PCDHGA1: variants seen among roughly 807,000 people sequenced by gnomAD.
The protein encoded by PCDHGA1 is protocadherin gamma subfamily A, 1.
Under a neutral mutation model 58.0 loss-of-function variants are expected in PCDHGA1, and 32 were observed. That is an observed-to-expected ratio of 0.55 (90% CI 0.42 to 0.74). The LOEUF is 0.74. PCDHGA1 is among the 30% of genes least tolerant of loss of function. The pLI, the probability that PCDHGA1 is intolerant of heterozygous loss-of-function variation, is 0.00. For missense variants in PCDHGA1, 1,205 were observed against 1,182.3 expected (o/e 1.02, Z -0.28); for synonymous variants, 498 against 501.1 (o/e 0.99, Z 0.08).
intron 1 of PCDHGA1, among the ~76,000 whole-genome samples, chr5:141,475,299 T>C (rs1227132122): frequency 6.6e-6 from 1 of 152,204 alleles, no homozygotes; most frequent in Non-Finnish European, 1.5e-5. Context: ...AAATTTCTTA[T>C]TGCTCCCTGG....
chr5:141,392,096 A>G (rs2092464422), intron 1 of PCDHGA1: 1 of 152,256 alleles, frequency 6.6e-6, no homozygotes, highest in Non-Finnish European at 1.5e-5. Context: ...AGAATAATTT[A>G]AAAGCAACAA....
chr5:141,454,908 C>T (rs1370482009), intron 1 of PCDHGA1, among the ~76,000 whole-genome samples: 3 of 145,392 alleles, frequency 2.1e-5, no homozygotes, highest in Non-Finnish European at 4.5e-5. Context: ...CCCGGGTTCA[C>T]GCCATTCTCC....
intron 1 of PCDHGA1, chr5:141,392,883 TGGGAAATC>T (rs1224904365): frequency 3.1e-6 from 5 of 1,613,518 alleles, no homozygotes; most frequent in Non-Finnish European, 4.2e-6. Flanking sequence ...GGGAACGCTG[TGGGAAATC>T]GGGAGGGGAC....
chr5:141,375,152 G>T, intron 1 of PCDHGA1: 2 of 1,613,930 alleles, frequency 1.2e-6, no homozygotes, highest in Non-Finnish European at 1.7e-6. Context: ...CAGAACAATT[G>T]CTGAAAGTGC....
chr5:141,403,370 G>T (rs752870915), intron 1 of PCDHGA1: 25 of 1,614,064 alleles, frequency 1.5e-5, no homozygotes, highest in Non-Finnish European at 1.9e-5. Flanking sequence ...AAGTCTGGAA[G>T]TAAAAATTAA....
intron 1 of PCDHGA1, among the ~76,000 whole-genome samples, chr5:141,401,328 G>A (rs919361243): frequency 3.3e-5 from 5 of 151,962 alleles, no homozygotes; most frequent in Non-Finnish European, 7.4e-5. Context: ...GGCAACAAGA[G>A]CAAAACTCCA....
chr5:141,479,000 T>C (rs2099485433), intron 1 of PCDHGA1, among the ~76,000 whole-genome samples: 1 of 152,244 alleles, frequency 6.6e-6, no homozygotes, highest in Non-Finnish European at 1.5e-5. Flanking sequence ...TTAAAACTAA[T>C]AGCTTTTTGA....
intron 1 of PCDHGA1, chr5:141,344,926 G>A (rs756871920): frequency 6.2e-7 from 1 of 1,613,900 alleles, no homozygotes; most frequent in South Asian, 1.1e-5. Context: ...AACTCAGTGA[G>A]TGGAGAAGTA....
At chr5:141,355,219 C>G (rs768131751) in intron 1 of PCDHGA1, 1 of 1,605,766 alleles carries the variant, frequency 6.2e-7, no homozygotes, top group Middle Eastern at 2.0e-4. Context: ...GCCTCCTGCT[C>G]GCCCAGACCA....
At chr5:141,437,863 G>A (rs2097915247) in intron 1 of PCDHGA1, among the ~76,000 whole-genome samples, 2 of 151,480 alleles carry the variant, frequency 1.3e-5, no homozygotes, top group African/African-American at 2.4e-5. Context: ...TTAGCCTCCC[G>A]AGTAGCTGGG....
chr5:141,430,595 G>A (rs549786394), intron 1 of PCDHGA1: 28 of 567,134 alleles, frequency 4.9e-5, no homozygotes, highest in African/African-American at 3.8e-4. Flanking sequence ...CCTTGCACGC[G>A]CCTGAAGCAC....
intron 1 of PCDHGA1, chr5:141,370,988 A>T (rs760427095): frequency 2.5e-5 from 41 of 1,613,868 alleles, no homozygotes; most frequent in Non-Finnish European, 3.1e-5. Context: ...TACTGAAAGC[A>T]CCCCTGGACA....
At chr5:141,456,453 A>G (rs1395554812) in intron 1 of PCDHGA1, among the ~76,000 whole-genome samples, 1 of 152,190 alleles carries the variant, frequency 6.6e-6, no homozygotes, top group Non-Finnish European at 1.5e-5. Flanking sequence ...GAGTCCAAAT[A>G]TCAATACAAG....
At chr5:141,344,188 T>TG in intron 1 of PCDHGA1, 1 of 1,614,012 alleles carries the variant, frequency 6.2e-7, no homozygotes, top group Non-Finnish European at 8.5e-7. Flanking sequence ...GCTAACGACC[T>TG]GGGGCTAGAG....
At chr5:141,341,223 A>G in intron 1 of PCDHGA1, 1 of 1,614,226 alleles carries the variant, frequency 6.2e-7, no homozygotes, top group Non-Finnish European at 8.5e-7. Context: ...GCTTTCCTGC[A>G]GACCTATTCC....
At chr5:141,357,738 G>A (rs896483270) in intron 1 of PCDHGA1, 2 of 1,293,792 alleles carry the variant, frequency 1.5e-6, no homozygotes, top group South Asian at 1.6e-5. Flanking sequence ...ATATTTTATT[G>A]CTTTAAAGAA....
At chr5:141,422,786 C>T in intron 1 of PCDHGA1, 1 of 1,614,178 alleles carries the variant, frequency 6.2e-7, no homozygotes, top group Non-Finnish European at 8.5e-7. Context: ...GCCCTACAAT[C>T]CTTCGACTAT....
chr5:141,395,886 C>A (rs538799478), intron 1 of PCDHGA1: 1 of 152,168 alleles, frequency 6.6e-6, no homozygotes, highest in East Asian at 1.9e-4. Context: ...TCAGTGGTCA[C>A]CTGGGCTCCA....
In PCDHGA1 at chr5:141,511,406, G is replaced by C; in HGVS notation, c.*233G>C. The C allele has an allele frequency of 1.1e-6, 1 of 942,018 alleles. No individual in the cohort carries two copies. The highest frequency in any genetic ancestry group is 1.7e-5 in the African/African-American group (1 of 60,280). The allele number at this position is 942,018 out of a possible 1,614,324, so 58.4% of individuals were successfully genotyped here. ...GCTGGGAACCCCCATCCAATCAACT[G>C]CTGTACCCATGGGGGTAGTGGGGTT... On this transcript the variant is annotated 3_prime_UTR_variant, in exon 4 of 4. Coordinates refer to ENST00000517417, the MANE Select transcript of PCDHGA1 (RefSeq NM_018912.3).
Sources: gnomAD v4.1 joint callset for allele counts (sites outside exome capture counted in the v4.1 genomes callset) on GRCh38, gnomAD v4.1.1 for gene constraint, MANE v1.5 for transcripts, NCBI Gene and HGNC (gene_info 2026-07-23, HGNC 2026-07-21) for gene names.